Variants in KCNQ5 observed in about 807,000 individuals in gnomAD.
The protein encoded by KCNQ5 is potassium voltage-gated channel subfamily Q member 5, also known as potassium voltage-gated channel subfamily KQT member 5.
Under a neutral mutation model 98.2 loss-of-function variants are expected in KCNQ5, and 30 were observed. The ratio of observed to expected loss-of-function variants is 0.31; its 90% CI spans 0.23 to 0.41. KCNQ5 has a LOEUF of 0.41. Among genes scored for constraint, KCNQ5 ranks in the 10% least tolerant of loss-of-function variants. KCNQ5 has a pLI of 1.00. For missense variants in KCNQ5, 835 were observed against 1,182.5 expected (o/e 0.71, Z 4.31); for synonymous variants, 458 against 449.4 (o/e 1.02, Z -0.24).
Position 72,739,702 on chromosome 6 carries a change from G to T in KCNQ5, c.398+117115G>T, listed in dbSNP as rs560883088. Among the ~76,000 whole-genome samples the T allele has an allele frequency of 2.0e-3, 303 of 152,308 alleles. 1 individual carries two copies. The highest frequency in any genetic ancestry group is 5.4e-3 in the South Asian group (26 of 4,826). ...AAGGCAGTGGACCTACAGACGGTCT[G>T]TTCAGTCAGCTGAGGATTTAGGACT... On this transcript the variant is annotated intron_variant, in intron 1 of 13. Transcript: ENST00000370398.
intron 1 of KCNQ5, among the ~76,000 whole-genome samples, chr6:72,897,238 T>A (rs530422753): frequency 2.4e-4 from 36 of 151,840 alleles, no homozygotes; most frequent in Non-Finnish European, 3.8e-4. Context: ...GGAAAAAAAA[T>A]TTATTAAAAA....
At chr6:72,795,760 A>G (rs1216102283) in intron 1 of KCNQ5, among the ~76,000 whole-genome samples, 1 of 152,168 alleles carries the variant, frequency 6.6e-6, no homozygotes, top group Non-Finnish European at 1.5e-5. Flanking sequence ...TTACACAAAA[A>G]TTGTTTTAAT....
At chr6:72,732,633 T>C (rs1028917420) in intron 1 of KCNQ5, among the ~76,000 whole-genome samples, 4 of 152,226 alleles carry the variant, frequency 2.6e-5, no homozygotes, top group African/African-American at 9.6e-5. Flanking sequence ...ACTTGATTTT[T>C]CCATTATGCT....
intron 1 of KCNQ5, among the ~76,000 whole-genome samples, chr6:72,904,973 A>C (rs1439310735): frequency 6.6e-6 from 1 of 152,004 alleles, no homozygotes; most frequent in African/African-American, 2.4e-5. Context: ...ATGTTTCCCA[A>C]ATGTTTAGAT....
At chr6:73,069,039 T>C (rs964309377) in intron 3 of KCNQ5, among the ~76,000 whole-genome samples, 1 of 152,186 alleles carries the variant, frequency 6.6e-6, no homozygotes, top group Non-Finnish European at 1.5e-5. Flanking sequence ...TTTTTAAACT[T>C]TGTCAGTTTG....
chr6:73,041,873 G>A (rs1378639346), intron 2 of KCNQ5, 63 bp from the exon 3 acceptor site: 31 of 1,595,744 alleles, frequency 1.9e-5, no homozygotes, highest in Non-Finnish European at 2.3e-5. Context: ...AATATGCATA[G>A]AGCTTCTTAC....
At chr6:72,817,911 A>G (rs779279878) in intron 1 of KCNQ5, among the ~76,000 whole-genome samples, 3 of 151,976 alleles carry the variant, frequency 2.0e-5, no homozygotes, top group African/African-American at 7.2e-5. Flanking sequence ...GAAAAAAAGA[A>G]ACTGAGGCCC....
chr6:72,694,388 A>G (rs977848995), intron 1 of KCNQ5, among the ~76,000 whole-genome samples: 5 of 152,166 alleles, frequency 3.3e-5, no homozygotes, highest in Non-Finnish European at 7.4e-5. Context: ...GATATGTAAG[A>G]GATGCATCCT....
At chr6:72,809,639 A>G (rs974690890) in intron 1 of KCNQ5, among the ~76,000 whole-genome samples, 1 of 152,212 alleles carries the variant, frequency 6.6e-6, no homozygotes, top group Non-Finnish European at 1.5e-5. Flanking sequence ...TAAAAATTAC[A>G]ATCCATGTGG....
intron 1 of KCNQ5, among the ~76,000 whole-genome samples, chr6:72,853,900 G>A (rs1016488347): frequency 3.9e-5 from 6 of 152,144 alleles, no homozygotes; most frequent in African/African-American, 1.4e-4. Flanking sequence ...GAAATGTATA[G>A]TTGGATTATT....
At chr6:73,073,951 A>G (rs56195807) in intron 3 of KCNQ5, among the ~76,000 whole-genome samples, 2,840 of 152,336 alleles carry the variant, frequency 0.019, 88 homozygotes, top group African/African-American at 0.065. Context: ...TTATGTTGCT[A>G]TAGAATTCAG....
chr6:73,052,324 T>C (rs548349652), intron 3 of KCNQ5, among the ~76,000 whole-genome samples: 2 of 152,258 alleles, frequency 1.3e-5, no homozygotes, highest in East Asian at 3.9e-4. Flanking sequence ...TTTCAGGATA[T>C]CATCCATGAA....
intron 3 of KCNQ5, among the ~76,000 whole-genome samples, chr6:73,062,879 G>A (rs1456457135): frequency 6.6e-6 from 1 of 152,030 alleles, no homozygotes; most frequent in African/African-American, 2.4e-5. Context: ...CCCTACCACA[G>A]ACTCCAAATC....
At chr6:73,082,313 A>T (rs974250801) in intron 5 of KCNQ5, among the ~76,000 whole-genome samples, 2 of 152,188 alleles carry the variant, frequency 1.3e-5, no homozygotes, top group Non-Finnish European at 2.9e-5. Context: ...CTAGAACTTT[A>T]CTGAAAGAGA....
At chr6:72,855,662 G>A (rs1279617647) in intron 1 of KCNQ5, among the ~76,000 whole-genome samples, 3 of 152,126 alleles carry the variant, frequency 2.0e-5, no homozygotes, top group Non-Finnish European at 2.9e-5. Context: ...TAGACTTGGG[G>A]GAGAAAGCAC....
chr6:72,772,184 A>G (rs1772932040), intron 1 of KCNQ5, among the ~76,000 whole-genome samples: 1 of 152,170 alleles, frequency 6.6e-6, no homozygotes, highest in South Asian at 2.1e-4. Context: ...GTGCAGTTAC[A>G]ATTTTAAGGC....
chr6:72,853,501 G>C (rs953023871), intron 1 of KCNQ5, among the ~76,000 whole-genome samples: 17 of 151,812 alleles, frequency 1.1e-4, no homozygotes, highest in Non-Finnish European at 1.0e-4. Flanking sequence ...GTGCCACTAC[G>C]CCTGGCTAAT....
At chr6:73,018,648 C>T (rs1485766246) in intron 2 of KCNQ5, among the ~76,000 whole-genome samples, 1 of 152,082 alleles carries the variant, frequency 6.6e-6, no homozygotes, top group Non-Finnish European at 1.5e-5. Context: ...TAGTCCCCAT[C>T]GCTGTCTGTG....
Position 73,064,449 on chromosome 6 carries a change from A to G in KCNQ5, c.617-12873A>G, listed in dbSNP as rs571548644. ...ATGACCTTGAATAAGATATCCAAGC[A>G]TGGAATTTCATCATAGGATGTTGGG... On this transcript the variant is annotated intron_variant, in intron 3 of 13. Transcript: ENST00000370398. Among the ~76,000 whole-genome samples the G allele has an allele frequency of 7.2e-5, 11 of 152,284 alleles. No individual in the cohort carries two copies. The East Asian group carries it at 2.1e-3, about 29-fold the overall frequency.
Sources: allele counts gnomAD v4.1 joint callset (sites outside exome capture counted in the v4.1 genomes callset), GRCh38; gene constraint gnomAD v4.1.1; transcripts MANE v1.5; gene names NCBI Gene and HGNC (gene_info 2026-07-23, HGNC 2026-07-21).